Variants in FBXW7 observed in about 807,000 individuals in gnomAD.
FBXW7 encodes F-box and WD repeat domain containing 7.
FBXW7 carries 11 observed loss-of-function variants against 86.3 expected under a neutral mutation model. That is an observed-to-expected ratio of 0.13 (90% confidence interval 0.08 to 0.21). The LOEUF is 0.21. FBXW7 is among the 10% of genes least tolerant of loss of function. The pLI, the probability that FBXW7 is intolerant of heterozygous loss-of-function variation, is 1.00. For synonymous variants in FBXW7, 313 were observed against 297.9 expected (o/e 1.05, Z -0.52); for missense variants, 488 against 847.4 (o/e 0.58, Z 5.27).
At chr4:152,419,418 T>G (rs1447494625) in intron 2 of FBXW7, among the ~76,000 whole-genome samples, 1 of 150,580 alleles carries the variant, frequency 6.6e-6, no homozygotes, top group Non-Finnish European at 1.5e-5. Flanking sequence ...GGGGTGAAAA[T>G]TACTCTTGTG....
chr4:152,514,606 G>A (rs1476778387), intron 2 of FBXW7, among the ~76,000 whole-genome samples: 1 of 152,108 alleles, frequency 6.6e-6, no homozygotes, highest in East Asian at 1.9e-4. Flanking sequence ...TATCCTCAAG[G>A]TAATGAATGA....
At chr4:152,427,380 C>T (rs916458025) in intron 2 of FBXW7, among the ~76,000 whole-genome samples, 1 of 152,128 alleles carries the variant, frequency 6.6e-6, no homozygotes, top group Non-Finnish European at 1.5e-5. Context: ...TGCATTTGAC[C>T]TGTATTAACT....
chr4:152,328,694 C>T (rs991692364), intron 10 of FBXW7: 86 of 184,512 alleles, frequency 4.7e-4, no homozygotes, highest in African/African-American at 1.8e-3. Context: ...TCTGGCCTGG[C>T]CTCTTTGATG....
At chr4:152,529,926 C>T (rs1477599922) in intron 2 of FBXW7, among the ~76,000 whole-genome samples, 1 of 151,660 alleles carries the variant, frequency 6.6e-6, no homozygotes, top group Non-Finnish European at 1.5e-5. Context: ...CATGGTGGCG[C>T]ATGCCTGTGA....
rs1240252269 is a variant in FBXW7, at chr4:152,497,374, C to CACACACACAG, written c.-120+37566_-120+37567insCTGTGTGTGT. On this transcript the variant is annotated intron_variant, in intron 2 of 13. Coordinates refer to ENST00000281708, the MANE Select transcript of FBXW7 (RefSeq NM_001349798.2). ...ACACACACACACACACACACACACACACTATGAGATACTTGCAATGCATAT... is the reference window on the plus strand; with the variant it reads ...ACACACACACACACACACACACACACACACACACAGACTATGAGATACTTGCAATGCATAT... 9.5e-4 allele frequency among the ~76,000 whole-genome samples: 137 copies of CACACACACAG among 143,702 alleles called. No individual in the cohort carries two copies. The East Asian group carries it at 9.8e-3, about 10-fold the overall frequency. The allele number at this position is 143,702 out of a possible 152,430, so 94.3% of individuals were successfully genotyped here.
At chr4:152,347,870 ATATAAC>A (rs1270733383) in intron 5 of FBXW7, among the ~76,000 whole-genome samples, 2 of 152,134 alleles carry the variant, frequency 1.3e-5, no homozygotes, top group African/African-American at 2.4e-5. Context: ...CAGAAAGAAT[ATATAAC>A]TATATTACTA....
chr4:152,519,625 T>G (rs1357901756), intron 2 of FBXW7, among the ~76,000 whole-genome samples: 1 of 152,202 alleles, frequency 6.6e-6, no homozygotes, highest in Non-Finnish European at 1.5e-5. Flanking sequence ...GACTAAAAAA[T>G]GAGGGTTAAT....
intron 2 of FBXW7, among the ~76,000 whole-genome samples, chr4:152,499,124 T>C (rs775374220): frequency 3.9e-5 from 6 of 152,124 alleles, no homozygotes; most frequent in African/African-American, 7.2e-5. Flanking sequence ...CACCAAATTG[T>C]TCCCATCCTT....
chr4:152,492,749 C>T (rs938445420), intron 2 of FBXW7, among the ~76,000 whole-genome samples: 11 of 151,962 alleles, frequency 7.2e-5, no homozygotes, highest in African/African-American at 1.9e-4. Context: ...ACCAAGAGGC[C>T]GTGCTTTGCT....
Position 152,535,308 on chromosome 4 carries a change from G to C in FBXW7, c.-394C>G, listed in dbSNP as rs931922795. 2 of 313,496 alleles carry C rather than the reference G, an allele frequency of 6.4e-6. No individual in the cohort carries two copies. The highest frequency in any genetic ancestry group is 1.2e-5 in the Non-Finnish European group (2 of 171,904). 19.4% of individuals were successfully genotyped at this position (313,496 alleles called of 1,614,324 possible). ...CCCCGCCGCCCTCGGGACTGGGGCG[G>C]GGGAGGGGGGCTCTAGGAACTCCTC... On this transcript the variant is annotated 5_prime_UTR_variant, in exon 1 of 14. Coordinates refer to ENST00000281708, the MANE Select transcript of FBXW7 (RefSeq NM_001349798.2).
intron 2 of FBXW7, among the ~76,000 whole-genome samples, chr4:152,419,494 A>AAAACAC (rs370794631): frequency 0.048 from 5,970 of 123,234 alleles, 181 homozygotes; most frequent in Middle Eastern, 0.084. Context: ...GGATAAGGTA[A>AAAACAC]ACACACACAC....
At chr4:152,413,036 C>T (rs1698163034) in intron 2 of FBXW7, among the ~76,000 whole-genome samples, 1 of 151,976 alleles carries the variant, frequency 6.6e-6, no homozygotes, top group African/African-American at 2.4e-5. Context: ...AGATAAAATG[C>T]CAACATGTTG....
intron 2 of FBXW7, among the ~76,000 whole-genome samples, chr4:152,428,210 T>C (rs1739554235): frequency 6.6e-6 from 1 of 152,150 alleles, no homozygotes; most frequent in African/African-American, 2.4e-5. Flanking sequence ...AGCAGCCTAC[T>C]GGTGTGGTTA....
intron 4 of FBXW7, among the ~76,000 whole-genome samples, chr4:152,373,131 G>A (rs867152863): frequency 6.6e-6 from 1 of 152,000 alleles, no homozygotes; most frequent in African/African-American, 2.4e-5. Flanking sequence ...TGGCTGTGAT[G>A]CTGGAATAAG....
chr4:152,464,868 C>T (rs572074071), intron 2 of FBXW7, among the ~76,000 whole-genome samples: 145 of 152,212 alleles, frequency 9.5e-4, no homozygotes, highest in African/African-American at 3.4e-3. Context: ...GATGTGATTA[C>T]TGCAATAACT....
At chr4:152,385,597 G>A (rs1213231381) in intron 4 of FBXW7, among the ~76,000 whole-genome samples, 1 of 151,988 alleles carries the variant, frequency 6.6e-6, no homozygotes, top group Non-Finnish European at 1.5e-5. Context: ...AGTAAAGCTA[G>A]GCTTTTCATT....
intron 2 of FBXW7, among the ~76,000 whole-genome samples, chr4:152,451,272 C>T (rs571054342): frequency 5.0e-4 from 76 of 152,136 alleles, no homozygotes; most frequent in African/African-American, 1.7e-3. Context: ...GTTGCTTTCC[C>T]CTTTAATTGC....
At chr4:152,365,421 T>C (rs1733389991) in intron 4 of FBXW7, among the ~76,000 whole-genome samples, 1 of 152,102 alleles carries the variant, frequency 6.6e-6, no homozygotes, top group Non-Finnish European at 1.5e-5. Flanking sequence ...GTGGAGAGAC[T>C]GTGTGAGGAA....
In FBXW7 at chr4:152,330,873, A is replaced by G; in HGVS notation, c.986-5T>C. ...TGTGCAATGGTTCATCAATCCCTAAAGTGTTACAGTTCAAGAGTAAATTGC... is the reference window on the plus strand; with the variant it reads ...TGTGCAATGGTTCATCAATCCCTAAGGTGTTACAGTTCAAGAGTAAATTGC... On this transcript the variant is annotated splice_region_variant and splice_polypyrimidine_tract_variant and intron_variant, in intron 8 of 13. Coordinates refer to ENST00000281708, the MANE Select transcript of FBXW7 (RefSeq NM_001349798.2). 6.2e-7 allele frequency: 1 copy of G among 1,610,232 alleles called. No individual in the cohort carries two copies. Among genetic ancestry groups the G allele is most frequent in the East Asian group, 2.2e-5 (1 of 44,732 alleles).
Sources: gnomAD v4.1 joint callset for allele counts (sites outside exome capture counted in the v4.1 genomes callset) on GRCh38, gnomAD v4.1.1 for gene constraint, MANE v1.5 for transcripts, NCBI Gene and HGNC (gene_info 2026-07-23, HGNC 2026-07-21) for gene names.